The following CSMD1 variants were observed in gnomAD, a reference collection of about 807,000 sequenced individuals.
The protein encoded by CSMD1 is CUB and Sushi multiple domains 1.
Under a neutral mutation model 417.5 loss-of-function variants are expected in CSMD1, and 213 were observed. The observed-to-expected ratio is 0.51, with a 90% CI of 0.46 to 0.57. The LOEUF (loss-of-function observed/expected upper bound fraction) is 0.57. Ranked by LOEUF, CSMD1 falls within the 20% of genes least tolerant of loss-of-function variation. The pLI is 0.00. For missense variants in CSMD1, 6,923 were observed against 4,529.7 expected (o/e 1.53, Z -15.17); for synonymous variants, 2,862 against 1,736.8 (o/e 1.65, Z -16.11).
intron 3 of CSMD1, among the ~76,000 whole-genome samples, chr8:4,098,728 G>A (rs1464063576): frequency 2.6e-5 from 4 of 152,126 alleles, no homozygotes; most frequent in Admixed American, 6.6e-5. Context: ...TTTCCATTCA[G>A]CAATATTTAT....
Position 3,200,480 on chromosome 8 carries a change from G to A in CSMD1, c.5099-671C>T, listed in dbSNP as rs374558126. 2.0e-5 allele frequency among the ~76,000 whole-genome samples: 3 copies of A among 151,794 alleles called. No individual in the cohort carries two copies. The East Asian group carries it at 5.8e-4, about 29-fold the overall frequency. ...TGAGGCAGGAGAATCGCTTGAACCT[G>A]GGAGATGGAGGTTGCAGTGAGCCGA... is the stretch of plus-strand genomic sequence containing the variant. On this transcript the variant is annotated intron_variant, in intron 32 of 69. Coordinates refer to ENST00000635120, the MANE Select transcript of CSMD1 (RefSeq NM_033225.6).
At chr8:3,530,422 G>T (rs767262503) in intron 10 of CSMD1, among the ~76,000 whole-genome samples, 2 of 152,148 alleles carry the variant, frequency 1.3e-5, no homozygotes, top group Non-Finnish European at 2.9e-5. Context: ...TCTAATGATT[G>T]TTTAGGTGTG....
chr8:3,671,151 G>GAT (rs145777189), intron 7 of CSMD1, among the ~76,000 whole-genome samples: 2,438 of 147,246 alleles, frequency 0.017, 57 homozygotes, highest in African/African-American at 0.057. Context: ...ATGTATATGG[G>GAT]ATATATATGT....
At chr8:4,746,025 A>G (rs955424148) in intron 1 of CSMD1, among the ~76,000 whole-genome samples, 2 of 152,230 alleles carry the variant, frequency 1.3e-5, no homozygotes, top group Admixed American at 6.5e-5. Context: ...AAACTGTAAA[A>G]TATTATGAAA....
intron 3 of CSMD1, among the ~76,000 whole-genome samples, chr8:4,045,409 T>C (rs1252964266): frequency 6.6e-6 from 1 of 152,132 alleles, no homozygotes; most frequent in Non-Finnish European, 1.5e-5. Flanking sequence ...CGATCATCAA[T>C]GACAAGTGGC....
At chr8:3,628,871 T>C (rs948226135) in intron 7 of CSMD1, among the ~76,000 whole-genome samples, 2 of 151,694 alleles carry the variant, frequency 1.3e-5, no homozygotes, top group African/African-American at 4.8e-5. Context: ...AATCTAAGTT[T>C]TTTTAAAAAG....
intron 1 of CSMD1, among the ~76,000 whole-genome samples, chr8:4,756,411 G>C (rs1055763525): frequency 1.3e-5 from 2 of 152,146 alleles, no homozygotes; most frequent in African/African-American, 2.4e-5. Flanking sequence ...TTGAAGAACA[G>C]TGGTGAGTTC....
intron 1 of CSMD1, among the ~76,000 whole-genome samples, chr8:4,791,158 C>T (rs1241372459): frequency 2.0e-5 from 3 of 152,100 alleles, no homozygotes; most frequent in African/African-American, 7.2e-5. Flanking sequence ...GAAACAAACA[C>T]ATGGAGATAA....
At chr8:4,129,283 A>G (rs1487082111) in intron 3 of CSMD1, among the ~76,000 whole-genome samples, 1 of 151,952 alleles carries the variant, frequency 6.6e-6, no homozygotes, top group African/African-American at 2.4e-5. Context: ...TGTCAACAAA[A>G]CTAGCACAGT....
chr8:4,801,124 C>G (rs115983329), intron 1 of CSMD1, among the ~76,000 whole-genome samples: 2 of 152,108 alleles, frequency 1.3e-5, no homozygotes, highest in Non-Finnish European at 2.9e-5. Flanking sequence ...AAATTGGTGT[C>G]ATTTTACATT....
At chr8:3,650,518 AT>A in intron 7 of CSMD1, among the ~76,000 whole-genome samples, 1 of 152,152 alleles carries the variant, frequency 6.6e-6, no homozygotes, top group Non-Finnish European at 1.5e-5. Context: ...CTGAGCCTTC[AT>A]TCTCTACTCA....
chr8:4,036,283 T>A (rs1041091591), intron 3 of CSMD1, among the ~76,000 whole-genome samples: 11 of 152,188 alleles, frequency 7.2e-5, no homozygotes, highest in Non-Finnish European at 2.9e-5. Context: ...AAGATGCTGT[T>A]GTTATGGTCA....
intron 3 of CSMD1, among the ~76,000 whole-genome samples, chr8:4,292,621 A>T (rs1052998171): frequency 5.3e-5 from 8 of 152,152 alleles, no homozygotes; most frequent in Admixed American, 2.0e-4. Context: ...AAACATGTTG[A>T]TATTTTCTGT....
chr8:3,907,253 T>A (rs1285491972), intron 5 of CSMD1, among the ~76,000 whole-genome samples: 1 of 152,188 alleles, frequency 6.6e-6, no homozygotes, highest in Non-Finnish European at 1.5e-5. Context: ...TATATTCAAT[T>A]TGATCGTAAG....
rs553172550 is a variant in CSMD1, at chr8:4,788,199, C to T, written c.86-150641G>A. ...TGGAAATTTTGGCATTCCATGTGAA[C>T]TTTGAGTAACATCTGCGCATAAAGG... On this transcript the variant is annotated intron_variant, in intron 1 of 69. Transcript: ENST00000635120. 1.8e-5 allele frequency: 28 copies of T among 1,592,544 alleles called. 1 individual carries two copies. The East Asian group carries it at 5.8e-4, about 33-fold the overall frequency.
intron 8 of CSMD1, among the ~76,000 whole-genome samples, chr8:3,604,300 G>T (rs529464324): frequency 2.7e-5 from 4 of 150,612 alleles, no homozygotes; most frequent in Non-Finnish European, 5.9e-5. Flanking sequence ...GGGAGGCTGC[G>T]GGGGGGGACC....
At chr8:3,453,290 G>GT (rs1369738849) in intron 12 of CSMD1, among the ~76,000 whole-genome samples, 2 of 151,922 alleles carry the variant, frequency 1.3e-5, no homozygotes, top group Non-Finnish European at 2.9e-5. Flanking sequence ...TTTTTGAAGG[G>GT]TTTTTTGTGT....
At chr8:3,662,857 G>A (rs765852705) in intron 7 of CSMD1, among the ~76,000 whole-genome samples, 11 of 151,996 alleles carry the variant, frequency 7.2e-5, no homozygotes, top group Non-Finnish European at 1.0e-4. Flanking sequence ...GGGAAAGAGG[G>A]GGGAGAGCAT....
chr8:4,462,511 A>G (rs898362113), intron 2 of CSMD1, among the ~76,000 whole-genome samples: 1 of 152,170 alleles, frequency 6.6e-6, no homozygotes, highest in African/African-American at 2.4e-5. Context: ...ATGCATATGG[A>G]TATTCAAAGG....
Sources: gnomAD v4.1 joint callset for allele counts (sites outside exome capture counted in the v4.1 genomes callset) on GRCh38, gnomAD v4.1.1 for gene constraint, MANE v1.5 for transcripts, NCBI Gene and HGNC (gene_info 2026-07-23, HGNC 2026-07-21) for gene names.